Variants in ATP6V0D1 observed in about 807,000 individuals in gnomAD.
ATP6V0D1 encodes ATPase H+ transporting V0 subunit d1.
Under a neutral mutation model 39.0 loss-of-function variants are expected in ATP6V0D1, and 13 were observed. The ratio of observed to expected loss-of-function variants is 0.33; its 90% CI spans 0.22 to 0.53. The LOEUF is 0.53. Among genes scored for constraint, ATP6V0D1 ranks in the 20% least tolerant of loss-of-function variants. The probability of loss-of-function intolerance (pLI) is 0.94; values close to 1 mark genes in which losing one functional copy is unlikely to be tolerated. For missense variants in ATP6V0D1, 272 were observed against 470.9 expected (o/e 0.58, Z 3.91); for synonymous variants, 191 against 191.2 (o/e 1.00, Z 0.01).
At chr16:67,445,824 G>A (rs1416182252) in intron 2 of ATP6V0D1, 8 of 428,516 alleles carry the variant, frequency 1.9e-5, no homozygotes, top group African/African-American at 1.4e-4. Context: ...GTGTGGGGAT[G>A]CAGTGAAGGC....
intron 2 of ATP6V0D1, among the ~76,000 whole-genome samples, chr16:67,450,292 A>G (rs1426050221): frequency 6.6e-6 from 1 of 152,004 alleles, no homozygotes; most frequent in East Asian, 1.9e-4. Flanking sequence ...CTCAACCTAA[A>G]AACCCCCTAT....
chr16:67,439,269 C>T lies in ATP6V0D1; in HGVS notation c.639+5G>A. 6.2e-7 allele frequency: 1 copy of T among 1,614,118 alleles called. No homozygotes were observed. Among genetic ancestry groups the T allele is most frequent in the Non-Finnish European group, 8.5e-7 (1 of 1,180,032 alleles). On this transcript the variant is annotated splice_donor_5th_base_variant and intron_variant, in intron 5 of 7. Coordinates refer to ENST00000290949, the MANE Select transcript of ATP6V0D1 (RefSeq NM_004691.5). The stretch of plus-strand genomic sequence containing the variant: ...CAGCAGGCAGGAGGGCGGGCAGGCA[C>T]TCACCTCCAGGATGGGGCACATGGC...
chr16:67,448,591 C>T lies in ATP6V0D1; in HGVS notation c.303-3885G>A, dbSNP rs146503282. 8.8e-4 allele frequency among the ~76,000 whole-genome samples: 126 copies of T among 142,948 alleles called. 1 individual carries two copies. In the East Asian group the frequency reaches 0.023, roughly 26 times the overall value. 93.8% of individuals were successfully genotyped at this position (142,948 alleles called of 152,430 possible). Reference sequence around the variant, plus strand: ...AGGAGACTCACTTGAACCTGGGATGCGGAGCTTGCAGTGAGCCGAGAACGT... The same window carrying T: ...AGGAGACTCACTTGAACCTGGGATGTGGAGCTTGCAGTGAGCCGAGAACGT... On this transcript the variant is annotated intron_variant, in intron 2 of 7. Transcript: ENST00000290949.
intron 1 of ATP6V0D1, among the ~76,000 whole-genome samples, chr16:67,477,025 TA>T (rs199765066): frequency 5.4e-3 from 217 of 40,218 alleles, no homozygotes; most frequent in East Asian, 0.016. Flanking sequence ...TGTCTCAAAT[TA>T]AAAAAAAAAA....
At chr16:67,448,407 C>G (rs1192605561) in intron 2 of ATP6V0D1, among the ~76,000 whole-genome samples, 1 of 152,072 alleles carries the variant, frequency 6.6e-6, no homozygotes, top group African/African-American at 2.4e-5. Context: ...TGCCTGTTAT[C>G]CCAGCACTTT....
At chr16:67,452,737 A>T (rs2041195794) in intron 2 of ATP6V0D1, among the ~76,000 whole-genome samples, 1 of 152,198 alleles carries the variant, frequency 6.6e-6, no homozygotes, top group Admixed American at 6.5e-5. Flanking sequence ...CTCTTGGGAC[A>T]TCCCTGCAAA....
At position 67,447,496 on chromosome 16, in the gene ATP6V0D1, C is replaced by T. The variant is rs1294251772; in HGVS notation, c.303-2790G>A. Among the ~76,000 whole-genome samples, 2 of 152,226 alleles carry T rather than the reference C, an allele frequency of 1.3e-5. No homozygotes were observed. The highest frequency in any genetic ancestry group is 1.9e-4 in the East Asian group (1 of 5,194). On this transcript the variant is annotated intron_variant, in intron 2 of 7. Coordinates refer to ENST00000290949, the MANE Select transcript of ATP6V0D1 (RefSeq NM_004691.5). The surrounding 1 kb of genome is among the most constrained non-coding windows in gnomAD (Gnocchi z 4.1). ...CAGAAAGCCACTCCACCATTCCTCC[C>T]CTCATTTGGCCTCAATAGGAGGGAA...
chr16:67,441,619 T>G (rs985520193), intron 4 of ATP6V0D1: 1 of 152,276 alleles, frequency 6.6e-6, no homozygotes, highest in African/African-American at 2.4e-5. Context: ...GGCTGGCCTG[T>G]GCCCTATTAG....
At chr16:67,467,360 G>A (rs902223445) in intron 1 of ATP6V0D1, among the ~76,000 whole-genome samples, 1 of 152,066 alleles carries the variant, frequency 6.6e-6, no homozygotes, top group South Asian at 2.1e-4. Context: ...CAAAAATTAG[G>A]CGGGCGTGGT....
intron 1 of ATP6V0D1, chr16:67,455,449 G>A (rs567854508): frequency 6.6e-6 from 1 of 152,162 alleles, no homozygotes; most frequent in Non-Finnish European, 1.5e-5. Flanking sequence ...TGCATCTCTG[G>A]GGGGCTGGTA....
chr16:67,467,801 A>G (rs896253070), intron 1 of ATP6V0D1, among the ~76,000 whole-genome samples: 1 of 152,150 alleles, frequency 6.6e-6, no homozygotes, highest in Non-Finnish European at 1.5e-5. Flanking sequence ...ATGTCCTTGC[A>G]CCTGTTCATT....
intron 3 of ATP6V0D1, 38 bp from the exon 4 acceptor site, chr16:67,443,216 C>T (rs2041074550): frequency 1.2e-6 from 2 of 1,603,156 alleles, no homozygotes; most frequent in Non-Finnish European, 1.7e-6. Context: ...GGGCAGGTGG[C>T]CTAGGCCAGA....
At chr16:67,458,970 C>G in intron 1 of ATP6V0D1, 1 of 843,116 alleles carries the variant, frequency 1.2e-6, no homozygotes, top group Middle Eastern at 6.0e-4. Flanking sequence ...ATACCATCAC[C>G]AGAATGAAGT....
chr16:67,443,436 C>T (rs1345160804), intron 3 of ATP6V0D1: 1 of 494,232 alleles, frequency 2.0e-6, no homozygotes, highest in Admixed American at 3.3e-5. Flanking sequence ...ATGATCTAAT[C>T]ACCGCTGGGG....
At chr16:67,462,400 TGAA>T (rs1439047556) in intron 1 of ATP6V0D1, among the ~76,000 whole-genome samples, 1 of 152,248 alleles carries the variant, frequency 6.6e-6, no homozygotes. Context: ...TCTGGAACTG[TGAA>T]GAAGAGCTTC....
chr16:67,445,146 G>T (rs1567534594), intron 2 of ATP6V0D1, among the ~76,000 whole-genome samples: 1 of 152,214 alleles, frequency 6.6e-6, no homozygotes, highest in Non-Finnish European at 1.5e-5. Flanking sequence ...ATGTGCAAAG[G>T]CCTGGAGGCA....
chr16:67,465,538 T>C (rs1314918431), intron 1 of ATP6V0D1, among the ~76,000 whole-genome samples: 5 of 152,174 alleles, frequency 3.3e-5, no homozygotes, highest in Admixed American at 6.5e-5. Flanking sequence ...TGCCTCAAGC[T>C]CCTACTTGGA....
intron 2 of ATP6V0D1, among the ~76,000 whole-genome samples, chr16:67,448,345 C>A (rs1235149812): frequency 6.6e-6 from 1 of 151,606 alleles, no homozygotes; most frequent in Non-Finnish European, 1.5e-5. Flanking sequence ...AGAGCAAGAT[C>A]CTATCTCAAA....
chr16:67,444,574 C>T lies in ATP6V0D1; in HGVS notation c.435G>A (p.Gln145=), dbSNP rs549999138. ...FEQMEAVNIA[Q]TPAELYNAIL... is the part of the protein sequence containing the mutation. ...TGGCATTGTAGAGCTCAGCAGGTGT[C>T]TGAGCAATGTTCACGGCCTCCATCT... The change falls in exon 3 of 8, where the codon CAG becomes CAA. Residue 145 remains glutamine (Q), a synonymous_variant. Coordinates refer to ENST00000290949, the MANE Select transcript of ATP6V0D1 (RefSeq NM_004691.5). This position sits in a 1 kb window ranked among gnomAD's most constrained non-coding sequence, Gnocchi z 4.8. 6.2e-6 allele frequency: 10 copies of T among 1,613,016 alleles called. No individual in the cohort carries two copies. Among genetic ancestry groups the T allele is most frequent in the South Asian group, 2.2e-5 (2 of 90,998 alleles).
Sources: allele counts gnomAD v4.1 joint callset (sites outside exome capture counted in the v4.1 genomes callset), GRCh38; gene constraint gnomAD v4.1.1; non-coding constraint Gnocchi (gnomAD v3.1); transcripts MANE v1.5; gene names NCBI Gene and HGNC (gene_info 2026-07-23, HGNC 2026-07-21).